Variants in DIS3 observed in about 807,000 individuals in gnomAD.
DIS3 encodes the protein exosome complex exonuclease RRP44.
In DIS3, 103 loss-of-function variants were observed where a neutral mutation model predicts 113.0. The ratio of observed to expected loss-of-function variants is 0.91; its 90% confidence interval spans 0.78 to 1.07. The LOEUF (loss-of-function observed/expected upper bound fraction) is 1.07. Ranked by LOEUF, DIS3 falls within the 50% of genes least tolerant of loss-of-function variation. The pLI, the probability that DIS3 is intolerant of heterozygous loss-of-function variation, is 0.00. For missense variants in DIS3, 1,121 were observed against 1,167.1 expected, an observed-to-expected ratio of 0.96 and a Z score of 0.58; for synonymous variants, 402 against 394.3, an observed-to-expected ratio of 1.02 and a Z score of -0.23.
rs375530402 is a variant in DIS3 at position 72,753,664 on chromosome 13, T to A, written c.*6131A>T. The A allele has an allele frequency of 6.3e-7, 1 of 1,598,528 alleles. No homozygotes were observed. The highest frequency in any genetic ancestry group is 1.7e-5 in the Admixed American group (1 of 57,654). ...TTTGACTTTTAAGTTCCTCACAATA[T>A]ATTTTTTTCTTTTTTCTCCTGTCAG... On this transcript the variant is annotated 3_prime_UTR_variant, in exon 21 of 21. Transcript: ENST00000377767.
intron 3 of DIS3, 71 bp from the exon 4 acceptor site, chr13:72,777,564 G>A (rs1366423780): frequency 7.9e-7 from 1 of 1,261,356 alleles, no homozygotes; most frequent in Non-Finnish European, 1.1e-6. Flanking sequence ...GGATAGTCTT[G>A]TTTGCGACAG....
chr13:72,763,706 A>G (rs142816781), intron 15 of DIS3, 99 bp from the exon 16 acceptor site: 27 of 1,205,592 alleles, frequency 2.2e-5, no homozygotes, highest in Non-Finnish European at 3.1e-5. Flanking sequence ...AGAAGATAAT[A>G]AGAGCATTTC....
At position 72,772,191 on chromosome 13, in the gene DIS3, G is replaced by A; in HGVS notation, c.1471C>T (p.His491Tyr). ...TTTCCATTTTCGAGTTCTCGACAAT[G>A]TAGAGCATCGTCTATATCAGTACAT... Reference protein sequence around the residue: ...PGCTDIDDALHCRELENGNLE... With the variant: ...PGCTDIDDALYCRELENGNLE... Residue 491 changes from histidine (H) to tyrosine (Y), a missense_variant, in exon 10 of 21, where the codon CAT becomes TAT. Around this residue, in one of 3 missense-constraint regions of DIS3, gnomAD observed 861 missense variants for 915.5 expected, o/e 0.94. Transcript: ENST00000377767. The A allele has an allele frequency of 6.2e-7, 1 of 1,613,418 alleles. No individual in the cohort carries two copies. The highest frequency in any genetic ancestry group is 8.5e-7 in the Non-Finnish European group (1 of 1,179,850).
At chr13:72,769,080 G>A (rs1321725388) in intron 13 of DIS3, among the ~76,000 whole-genome samples, 168 bp from the exon 14 acceptor site, 1 of 152,050 alleles carries the variant, frequency 6.6e-6, no homozygotes, top group African/African-American at 2.4e-5. Flanking sequence ...TATGATTTCT[G>A]GTTCATTAAT....
chr13:72,755,631 G>A lies in DIS3; in HGVS notation c.*4164C>T. 1 of 369,710 alleles carries A rather than the reference G, an allele frequency of 2.7e-6. No homozygotes were observed. 22.9% of individuals were successfully genotyped at this position (369,710 alleles called of 1,614,324 possible). On this transcript the variant is annotated 3_prime_UTR_variant, in exon 21 of 21. Transcript: ENST00000377767. ...TACATAAAAGCTTGAACATACAGAT[G>A]AATTATAACCTATGTGAAGAAATCT...
At chr13:72,778,986 C>A (rs980409568) in intron 2 of DIS3, among the ~76,000 whole-genome samples, 1 of 152,142 alleles carries the variant, frequency 6.6e-6, no homozygotes, top group Non-Finnish European at 1.5e-5. Context: ...TTCATCAAAG[C>A]CAGGTTTAAG....
Position 72,765,204 on chromosome 13 carries a change from C to A in DIS3, c.1970+768G>T, listed in dbSNP as rs372924766. ...TAGCTAATATCACCCTCACAGCACC[C>A]TATGAGGTAGGTGCCATTATCAATC... On this transcript the variant is annotated intron_variant, in intron 15 of 20. Transcript: ENST00000377767. Among the ~76,000 whole-genome samples the A allele has an allele frequency of 7.9e-5, 12 of 152,206 alleles. No homozygotes were observed. The South Asian group carries it at 1.5e-3, about 18-fold the overall frequency.
At position 72,756,020 on chromosome 13, in the gene DIS3, T is replaced by G. The variant is rs560316823; in HGVS notation, c.*3775A>C. On this transcript the variant is annotated 3_prime_UTR_variant, in exon 21 of 21. Coordinates refer to ENST00000377767, the MANE Select transcript of DIS3 (RefSeq NM_014953.5). ...AGGGCATAGGCCTGTGAAGTAACAC[T>G]GGGGCAGATATGTATGTTATATACA... 238 of 398,544 alleles carry G rather than the reference T, an allele frequency of 6.0e-4. No individual in the cohort carries two copies. The highest frequency in any genetic ancestry group is 8.1e-4 in the Non-Finnish European group (183 of 226,026). 24.7% of individuals were successfully genotyped at this position (398,544 alleles called of 1,614,324 possible). A position where few individuals can be genotyped will look rare whatever the true frequency, so the allele number is the denominator to read the frequency against.
Position 72,755,421 on chromosome 13 carries a change from T to C in DIS3, c.*4374A>G, listed in dbSNP as rs1427729271. ...TTCAAGTTGCTGAATTATAAGTTTA[T>C]TTTTTATCAATAAATATTTTTATAC... On this transcript the variant is annotated 3_prime_UTR_variant, in exon 21 of 21. Transcript: ENST00000377767. 1.3e-5 allele frequency: 7 copies of C among 523,276 alleles called. No individual in the cohort carries two copies. The highest frequency in any genetic ancestry group is 8.6e-5 in the South Asian group (3 of 34,912). The allele number at this position is 523,276 out of a possible 1,614,324, so 32.4% of individuals were successfully genotyped here.
intron 15 of DIS3, 84 bp downstream of exon 15, chr13:72,765,888 A>C: frequency 1.1e-6 from 1 of 942,562 alleles, no homozygotes; most frequent in Non-Finnish European, 1.5e-6. Flanking sequence ...TTGTATATAA[A>C]CGTTTTCATT....
chr13:72,778,191 G>GA lies in DIS3; in HGVS notation c.575dup (p.Thr193HisfsTer3). On this transcript the variant is annotated frameshift_variant, in exon 3 of 21. Transcript: ENST00000377767. LOFTEE classifies it high-confidence loss of function. ...TACTTCTACATTTAGACTTACAAGT[G>GA]AAAGCTGGTATTCCTTCTTCTATGG... is the stretch of plus-strand genomic sequence containing the variant. 1 of 1,578,808 alleles carries GA rather than the reference G, an allele frequency of 6.3e-7. No individual in the cohort carries two copies. Among genetic ancestry groups the GA allele is most frequent in the Non-Finnish European group, 8.7e-7 (1 of 1,153,124 alleles).
At chr13:72,781,500 G>A in intron 1 of DIS3, 105 bp downstream of exon 1, 2 of 1,422,756 alleles carry the variant, frequency 1.4e-6, no homozygotes, top group Non-Finnish European at 9.3e-7. Context: ...CCTTTCGCTA[G>A]GTATGTGACA....
intron 14 of DIS3, among the ~76,000 whole-genome samples, chr13:72,766,321 G>T (rs767897980): frequency 6.6e-6 from 1 of 152,196 alleles, no homozygotes; most frequent in Non-Finnish European, 1.5e-5. Flanking sequence ...CTGTGCTTCT[G>T]AGGGTTATAT....
rs2033316973 is a variant in DIS3 at position 72,752,931 on chromosome 13, G to A, written c.*6864C>T. 6.6e-6 allele frequency: 1 copy of A among 152,186 alleles called. No individual in the cohort carries two copies. Among genetic ancestry groups the A allele is most frequent in the Admixed American group, 6.5e-5 (1 of 15,278 alleles). 9.4% of individuals were successfully genotyped at this position (152,186 alleles called of 1,614,324 possible). A position where few individuals can be genotyped will look rare whatever the true frequency, so the allele number is the denominator to read the frequency against. Reference sequence around the variant, plus strand: ...TTTCTTTGGTGCTCAGCATTATACAGGTAAATGGAGCGTTGTGCAGTGAAC... The same window carrying A: ...TTTCTTTGGTGCTCAGCATTATACAAGTAAATGGAGCGTTGTGCAGTGAAC... On this transcript the variant is annotated 3_prime_UTR_variant, in exon 21 of 21. Transcript: ENST00000377767.
At chr13:72,774,494 A>C (rs1212794374) in intron 6 of DIS3, among the ~76,000 whole-genome samples, 2 of 152,072 alleles carry the variant, frequency 1.3e-5, no homozygotes, top group African/African-American at 4.8e-5. Flanking sequence ...CTTCCTTATA[A>C]AAAATAAAAA....
At position 72,752,846 on chromosome 13, in the gene DIS3, T is replaced by G. The variant is rs1334511862; in HGVS notation, c.*6949A>C. On this transcript the variant is annotated 3_prime_UTR_variant, in exon 21 of 21. Coordinates refer to ENST00000377767, the MANE Select transcript of DIS3 (RefSeq NM_014953.5). ...ACAAAATGACAGTCAGCTTTTTCCT[T>G]CCCTCTGATCCTAACTTGCAGGGAG... The G allele has an allele frequency of 6.6e-6, 1 of 152,172 alleles. No individual in the cohort carries two copies. Among genetic ancestry groups the G allele is most frequent in the Non-Finnish European group, 1.5e-5 (1 of 68,036 alleles). 9.4% of individuals were successfully genotyped at this position (152,172 alleles called of 1,614,324 possible). A position where few individuals can be genotyped will look rare whatever the true frequency, so the allele number is the denominator to read the frequency against.
At position 72,762,004 on chromosome 13, in the gene DIS3, A is replaced by G; in HGVS notation, c.2261T>C (p.Phe754Ser). 1 of 1,614,170 alleles carries G rather than the reference A, an allele frequency of 6.2e-7. No individual in the cohort carries two copies. Among genetic ancestry groups the G allele is most frequent in the Non-Finnish European group, 8.5e-7 (1 of 1,180,022 alleles). ...ATRCMMQAVYFCSGMDNDFHH... is the reference protein window; with the variant it reads ...ATRCMMQAVYSCSGMDNDFHH... ...AAAATCATTATCCATTCCAGAACAG[A>G]AGTACACAGCTTGCATCATACAGCG... Residue 754 changes from phenylalanine to serine, a missense_variant, in exon 17 of 21, where the codon TTC (phenylalanine) becomes TCC (serine). Phe to Ser is a radical substitution (Grantham distance 155, BLOSUM62 -2). Transcript: ENST00000377767.
Position 72,775,239 on chromosome 13 carries a change from A to G in DIS3, c.959T>C (p.Val320Ala). 1.2e-6 allele frequency: 2 copies of G among 1,613,382 alleles called. No homozygotes were observed. The highest frequency in any genetic ancestry group is 1.7e-6 in the Non-Finnish European group (2 of 1,179,598). The change falls in exon 6 of 21, where the codon GTG (valine) becomes GCG (alanine). Residue 320 changes from valine (V) to alanine (A), a missense_variant. Val to Ala is a moderately conservative substitution (Grantham distance 64, BLOSUM62 0). Around this residue, in one of 3 missense-constraint regions of DIS3, gnomAD observed 861 missense variants for 915.5 expected, o/e 0.94. Coordinates refer to ENST00000377767, the MANE Select transcript of DIS3 (RefSeq NM_014953.5). ...LHDEGQNEED[V>A]EKEEETERML... is the part of the protein sequence containing the mutation. ...TCGTTCTGTCTCTTCTTCTTTCTCCACATCTTCTTCATTTTGACCTTCATC... is the reference window on the plus strand; with the variant it reads ...TCGTTCTGTCTCTTCTTCTTTCTCCGCATCTTCTTCATTTTGACCTTCATC...
At position 72,760,578 on chromosome 13, in the gene DIS3, G is replaced by A. The variant is rs754234020; in HGVS notation, c.2744C>T (p.Ser915Leu). Reference sequence around the variant, plus strand: ...GATCTTCTGATGTTGAAGATTAGATGAGTCTAACATGATTTTCACTTTAAC... The same window carrying A: ...GATCTTCTGATGTTGAAGATTAGATAAGTCTAACATGATTTTCACTTTAAC... ...DKVKVKIMLD[S>L]SNLQHQKIRM... The change falls in exon 20 of 21, where the codon TCA (serine) becomes TTA (leucine). Residue 915 changes from serine to leucine, a missense_variant. This residue lies in a region of DIS3 where 861 missense variants were observed against 915.5 expected (regional missense o/e 0.94). Transcript: ENST00000377767. The A allele has an allele frequency of 1.2e-5, 19 of 1,613,430 alleles. No homozygotes were observed. In the South Asian group the frequency reaches 1.8e-4, roughly 15 times the overall value.
Sources: gnomAD v4.1 joint callset for allele counts (sites outside exome capture counted in the v4.1 genomes callset) on GRCh38, gnomAD v4.1.1 for gene constraint, gnomAD v4.1.1 regional missense constraint, MANE v1.5 for transcripts, NCBI Gene and HGNC (gene_info 2026-07-23, HGNC 2026-07-21) for gene names.